SEMA6A: variants seen among roughly 807,000 people sequenced by gnomAD.
The protein encoded by SEMA6A is semaphorin 6A.
A neutral mutation model predicts 96.8 loss-of-function variants in SEMA6A; 25 were observed. That is an observed-to-expected ratio of 0.26 (90% CI 0.19 to 0.36). The LOEUF is 0.36. SEMA6A is among the 10% of genes least tolerant of loss of function. SEMA6A has a pLI of 1.00. For synonymous variants in SEMA6A, 612 were observed against 518.0 expected (o/e 1.18, Z -2.46); for missense variants, 1,363 against 1,323.1 (o/e 1.03, Z -0.47).
At chr5:116,475,486 G>A (rs1450979205) in intron 16 of SEMA6A, 59 bp downstream of exon 16, 1 of 1,199,478 alleles carries the variant, frequency 8.3e-7, no homozygotes, top group South Asian at 1.4e-5. Context: ...GATGTTTCTA[G>A]GCCATTCACT....
intron 1 of SEMA6A, among the ~76,000 whole-genome samples, chr5:116,507,100 A>G (rs1055983476): frequency 1.3e-5 from 2 of 152,232 alleles, no homozygotes; most frequent in Non-Finnish European, 2.9e-5. Flanking sequence ...TATTCTGGCT[A>G]TCCCTGCAGC....
chr5:116,503,401 T>A (rs1757987503), intron 2 of SEMA6A, among the ~76,000 whole-genome samples: 1 of 152,184 alleles, frequency 6.6e-6, no homozygotes, highest in African/African-American at 2.4e-5. Context: ...GCTTTGAAAT[T>A]TCATGTACCC....
intron 1 of SEMA6A, among the ~76,000 whole-genome samples, chr5:116,557,876 A>G (rs1760668947): frequency 6.6e-6 from 1 of 152,256 alleles, no homozygotes; most frequent in African/African-American, 2.4e-5. Flanking sequence ...ACTAGAGGGC[A>G]GCCTCCAAGT....
intron 1 of SEMA6A, among the ~76,000 whole-genome samples, chr5:116,564,221 T>C (rs1760935216): frequency 6.6e-6 from 1 of 152,192 alleles, no homozygotes; most frequent in African/African-American, 2.4e-5. Flanking sequence ...TTTAAAACGC[T>C]GCCTTGAAGC....
intron 1 of SEMA6A, among the ~76,000 whole-genome samples, chr5:116,535,538 T>C (rs761259038): frequency 1.2e-4 from 19 of 152,192 alleles, no homozygotes; most frequent in Admixed American, 4.6e-4. Flanking sequence ...ACCACAGTTA[T>C]GCTAACTGTC....
At chr5:116,520,860 C>T (rs985665483) in intron 1 of SEMA6A, among the ~76,000 whole-genome samples, 6 of 152,120 alleles carry the variant, frequency 3.9e-5, no homozygotes, top group Non-Finnish European at 5.9e-5. Flanking sequence ...TTTCCTCCCA[C>T]GTAGTGAGGA....
At chr5:116,450,282 A>G (rs1417850534) in intron 18 of SEMA6A, among the ~76,000 whole-genome samples, 3 of 152,220 alleles carry the variant, frequency 2.0e-5, no homozygotes, top group Non-Finnish European at 4.4e-5. Context: ...TTTCATGGCA[A>G]TGAGTATTTC....
chr5:116,457,794 T>A (rs764413440), intron 18 of SEMA6A, among the ~76,000 whole-genome samples: 4 of 152,146 alleles, frequency 2.6e-5, no homozygotes, highest in African/African-American at 4.8e-5. Context: ...TTCACATGGC[T>A]CCTTTCAGTC....
intron 1 of SEMA6A, among the ~76,000 whole-genome samples, chr5:116,518,315 G>C (rs1207687801): frequency 6.6e-6 from 1 of 152,134 alleles, no homozygotes; most frequent in East Asian, 1.9e-4. Context: ...ATAAAATGGA[G>C]GCAAATGGTT....
chr5:116,519,496 A>C (rs1287888368), intron 1 of SEMA6A, among the ~76,000 whole-genome samples: 1 of 152,190 alleles, frequency 6.6e-6, no homozygotes, highest in South Asian at 2.1e-4. Context: ...TCATTCACTC[A>C]TCGAATTCAG....
intron 1 of SEMA6A, among the ~76,000 whole-genome samples, chr5:116,514,288 G>C (rs893216380): frequency 6.6e-6 from 1 of 152,114 alleles, no homozygotes; most frequent in East Asian, 1.9e-4. Context: ...AACCTTGCTA[G>C]TATCTGTCGT....
intron 1 of SEMA6A, among the ~76,000 whole-genome samples, chr5:116,566,195 G>A (rs901585381): frequency 6.6e-6 from 1 of 152,310 alleles, no homozygotes; most frequent in South Asian, 2.1e-4. Context: ...CATGGCCAAA[G>A]GCTGGTCTTT....
intron 3 of SEMA6A, among the ~76,000 whole-genome samples, chr5:116,499,450 AGCTTT>A (rs1757767011): frequency 6.6e-6 from 1 of 152,088 alleles, no homozygotes; most frequent in East Asian, 1.9e-4. Flanking sequence ...GGAGGGATTT[AGCTTT>A]AAATCGTGTT....
intron 1 of SEMA6A, among the ~76,000 whole-genome samples, chr5:116,531,457 G>A (rs944889763): frequency 3.9e-5 from 6 of 152,030 alleles, no homozygotes; most frequent in African/African-American, 1.2e-4. Context: ...CCTCCTGTTC[G>A]ACTGGAGACA....
chr5:116,553,738 G>C (rs571878302), intron 1 of SEMA6A, among the ~76,000 whole-genome samples: 1 of 152,266 alleles, frequency 6.6e-6, no homozygotes, highest in African/African-American at 2.4e-5. Flanking sequence ...ATGGGAAAGA[G>C]GGGGTGGATT....
chr5:116,560,306 T>C (rs1427853440), intron 1 of SEMA6A, among the ~76,000 whole-genome samples: 1 of 152,168 alleles, frequency 6.6e-6, no homozygotes, highest in Non-Finnish European at 1.5e-5. Context: ...ACTTTTCACA[T>C]CTCTACCTTC....
chr5:116,556,059 TG>T (rs1760593266), intron 1 of SEMA6A, among the ~76,000 whole-genome samples: 1 of 151,894 alleles, frequency 6.6e-6, no homozygotes, highest in Non-Finnish European at 1.5e-5. Context: ...CAAGGCACCA[TG>T]GGCCTGATAA....
chr5:116,509,766 C>G (rs1180762008), intron 1 of SEMA6A, among the ~76,000 whole-genome samples: 1 of 152,056 alleles, frequency 6.6e-6, no homozygotes, highest in Admixed American at 6.5e-5. Context: ...GGGTGAGGTG[C>G]TGGACCTCCA....
intron 1 of SEMA6A, among the ~76,000 whole-genome samples, chr5:116,512,131 G>A (rs1490484352): frequency 6.6e-6 from 1 of 152,160 alleles, no homozygotes; most frequent in Non-Finnish European, 1.5e-5. Flanking sequence ...TTCAAGGACC[G>A]CAGCATTAAG....
Sources: allele counts gnomAD v4.1 joint callset (sites outside exome capture counted in the v4.1 genomes callset), GRCh38; gene constraint gnomAD v4.1.1; transcripts MANE v1.5; gene names NCBI Gene and HGNC (gene_info 2026-07-23, HGNC 2026-07-21).